The following SPATA7 variants were observed in gnomAD, a reference collection of about 807,000 sequenced individuals.
The protein encoded by SPATA7 is spermatogenesis-associated protein 7.
Under a neutral mutation model 51.8 loss-of-function variants are expected in SPATA7, and 43 were observed. The observed-to-expected ratio is 0.83, with a 90% CI of 0.65 to 1.07. The LOEUF is 1.07. Ranked by LOEUF, SPATA7 falls within the 50% of genes least tolerant of loss-of-function variation. The probability of loss-of-function intolerance (pLI) is 0.00; values close to 1 mark genes in which losing one functional copy is unlikely to be tolerated. For missense variants in SPATA7, 683 were observed against 701.3 expected (o/e 0.97, Z 0.30); for synonymous variants, 230 against 252.8 (o/e 0.91, Z 0.86).
At chr14:88,413,569 C>G (rs1362551875) in intron 4 of SPATA7, among the ~76,000 whole-genome samples, 1 of 152,100 alleles carries the variant, frequency 6.6e-6, no homozygotes, top group Non-Finnish European at 1.5e-5. Context: ...CTGGCTAGGA[C>G]TCCAGTAGTA....
intron 4 of SPATA7, chr14:88,468,305 CT>C: frequency 6.5e-7 from 1 of 1,544,256 alleles, no homozygotes; most frequent in Non-Finnish European, 8.8e-7. Context: ...ATGTGTTCCC[CT>C]GGGGAGACAG....
intron 3 of SPATA7, among the ~76,000 whole-genome samples, chr14:88,447,517 T>A (rs1345677698): frequency 5.3e-5 from 8 of 152,208 alleles, no homozygotes; most frequent in Admixed American, 1.3e-4. Context: ...GTGAATTTGA[T>A]CCTGTCATTA....
downstream of SPATA7, among the ~76,000 whole-genome samples, chr14:88,458,901 C>T (rs1371922929): frequency 6.6e-6 from 1 of 152,180 alleles, no homozygotes; most frequent in African/African-American, 2.4e-5. Context: ...AAATGTGTCC[C>T]AGAGATTCTG....
chr14:88,461,130 C>T (rs1169655610), intron 4 of SPATA7, among the ~76,000 whole-genome samples: 2 of 152,220 alleles, frequency 1.3e-5, no homozygotes, highest in African/African-American at 2.4e-5. Context: ...CTGGGAGGTG[C>T]CTCCCAGTTA....
At position 88,396,950 on chromosome 14, in the gene SPATA7, G is replaced by T. The variant is rs189171123; in HGVS notation, c.238+747G>T. Among the ~76,000 whole-genome samples the T allele has an allele frequency of 1.1e-3, 160 of 146,928 alleles. 2 individuals are homozygous for T. In the East Asian group the frequency reaches 0.024, roughly 22 times the overall value. On this transcript the variant is annotated intron_variant, in intron 4 of 11. Transcript: ENST00000393545. ...TGCAGTGGAACGATCTCACCTCACT[G>T]TAACCTCCACCTCCTGGGCTCAAGC... is the stretch of plus-strand genomic sequence containing the variant.
chr14:88,391,438 T>C lies in SPATA7; in HGVS notation c.77T>C (p.Leu26Ser), dbSNP rs1302582171. The C allele has an allele frequency of 3.7e-6, 6 of 1,613,718 alleles. No homozygotes were observed. The highest frequency in any genetic ancestry group is 1.3e-5 in the African/African-American group (1 of 74,922). The change falls in exon 2 of 12, where the codon TTG (leucine) becomes TCG (serine). Residue 26 changes from leucine (L) to serine (S), a missense_variant. Physicochemically the swap from Leu to Ser is moderately radical, Grantham distance 145. Coordinates refer to ENST00000393545, the MANE Select transcript of SPATA7 (RefSeq NM_018418.5). ...CCACCGTGCCTATTTAAAGGACACTTGAGCACCAAAAGTAATGGTAAGTGA... is the reference window on the plus strand; with the variant it reads ...CCACCGTGCCTATTTAAAGGACACTCGAGCACCAAAAGTAATGGTAAGTGA... ...YGPPCLFKGH[L>S]STKSNAFCTD...
intron 5 of SPATA7, among the ~76,000 whole-genome samples, chr14:88,422,460 A>T (rs1176903125): frequency 6.6e-6 from 1 of 151,912 alleles, no homozygotes; most frequent in Non-Finnish European, 1.5e-5. Context: ...GAAAATTTAA[A>T]ATTTGTTTCT....
At chr14:88,435,857 T>G (rs1191232282) in intron 10 of SPATA7, among the ~76,000 whole-genome samples, 1 of 152,174 alleles carries the variant, frequency 6.6e-6, no homozygotes, top group Non-Finnish European at 1.5e-5. Context: ...CTTCCAAATC[T>G]TAGCTGTCAT....
At chr14:88,397,029 G>A (rs1015208404) in intron 4 of SPATA7, among the ~76,000 whole-genome samples, 2 of 151,896 alleles carry the variant, frequency 1.3e-5, no homozygotes, top group African/African-American at 4.8e-5. Flanking sequence ...GACTACAGGC[G>A]CAAGCCACCA....
chr14:88,436,990 C>T (rs2077106821), intron 10 of SPATA7, among the ~76,000 whole-genome samples: 1 of 150,458 alleles, frequency 6.6e-6, no homozygotes, highest in Non-Finnish European at 1.5e-5. Flanking sequence ...ATAGGGATTG[C>T]ATTGACTCTG....
intron 4 of SPATA7, among the ~76,000 whole-genome samples, chr14:88,413,614 T>C (rs1930216): frequency 0.035 from 5,365 of 152,292 alleles, 311 homozygotes; most frequent in African/African-American, 0.12. Flanking sequence ...GGCATCCTTA[T>C]GCTGTTCCAG....
chr14:88,460,023 A>T (rs1337686760), downstream of SPATA7, among the ~76,000 whole-genome samples: 1 of 152,214 alleles, frequency 6.6e-6, no homozygotes, highest in Non-Finnish European at 1.5e-5. Flanking sequence ...TCGTTTAAGA[A>T]TGTTGAATAT....
At chr14:88,444,220 A>T (rs1440332039) in intron 3 of SPATA7, among the ~76,000 whole-genome samples, 3,474 of 150,928 alleles carry the variant, frequency 0.023, 154 homozygotes, top group African/African-American at 0.081. Flanking sequence ...TGATTTGCAT[A>T]TCTCTGATGG....
At position 88,461,663 on chromosome 14, in the gene SPATA7, A is replaced by AGGCGATGCCTCACCCTGCTTT. The variant is rs1215470797; in HGVS notation, c.255-8180_255-8160dup. On this transcript the variant is annotated intron_variant, in intron 4 of 4. Transcript: ENST00000556406. ...CCTGACCCCTTGCACTTCCCGGCTG[A>AGGCGATGCCTCACCCTGCTTT]GGCGATGCCTCACCCTGCTTTGGCT... 2.0e-5 allele frequency among the ~76,000 whole-genome samples: 3 copies of AGGCGATGCCTCACCCTGCTTT among 151,890 alleles called. No individual in the cohort carries two copies. The East Asian group carries it at 5.8e-4, about 30-fold the overall frequency.
intron 5 of SPATA7, among the ~76,000 whole-genome samples, chr14:88,419,427 G>C (rs1003441268): frequency 7.5e-6 from 1 of 133,956 alleles, no homozygotes; most frequent in African/African-American, 2.8e-5. Context: ...TCCATTTTTT[G>C]ATCTTAATGT....
intron 4 of SPATA7, among the ~76,000 whole-genome samples, chr14:88,464,685 G>A (rs572829300): frequency 1.4e-4 from 21 of 151,940 alleles, no homozygotes; most frequent in Admixed American, 9.8e-4. Context: ...AGCCGAGATC[G>A]TGCCACTGCA....
chr14:88,401,782 G>A (rs1282028086), intron 4 of SPATA7, among the ~76,000 whole-genome samples: 1 of 149,424 alleles, frequency 6.7e-6, no homozygotes, highest in South Asian at 2.1e-4. Flanking sequence ...GGTCACAGTG[G>A]GCTTTGACCG....
At chr14:88,429,133 C>T (rs2076873273) in intron 7 of SPATA7, 4 of 330,634 alleles carry the variant, frequency 1.2e-5, no homozygotes, top group Non-Finnish European at 2.3e-5. Context: ...TTAAATGCCA[C>T]TCATTAAAAT....
At chr14:88,391,162 G>C (rs537103373) in intron 1 of SPATA7, among the ~76,000 whole-genome samples, 30 of 152,244 alleles carry the variant, frequency 2.0e-4, no homozygotes, top group Non-Finnish European at 3.2e-4. Context: ...AAACATCTCT[G>C]TTTGGGGGAT....
Sources: allele counts gnomAD v4.1 joint callset (sites outside exome capture counted in the v4.1 genomes callset), GRCh38; gene constraint gnomAD v4.1.1; transcripts MANE v1.5; gene names NCBI Gene and HGNC (gene_info 2026-07-23, HGNC 2026-07-21).